OC90: variants seen among roughly 807,000 people sequenced by gnomAD.
OC90 encodes otoconin-90.
OC90 carries 46 observed loss-of-function variants against 47.3 expected under a neutral mutation model. The observed-to-expected ratio is 0.97, with a 90% CI of 0.77 to 1.24. OC90 has a LOEUF of 1.24. OC90 is among the 50% of genes most tolerant of loss of function. The pLI is 0.00. For synonymous variants in OC90, 271 were observed against 219.5 expected (o/e 1.23, Z -2.07); for missense variants, 688 against 583.9 (o/e 1.18, Z -1.84).
rs756827690 is a variant in OC90 at position 132,033,167 on chromosome 8, G to GA, written c.734-4dup. ...TGTTGCAACTATCTCTGCAGATCCT[G>GA]AAAATGAAAAACTTCATGATTCGGA... is the stretch of plus-strand genomic sequence containing the variant. On this transcript the variant is annotated splice_polypyrimidine_tract_variant and splice_region_variant and intron_variant, in intron 10 of 13. Transcript: ENST00000254627. The GA allele has an allele frequency of 6.2e-7, 1 of 1,602,856 alleles. No homozygotes were observed. The highest frequency in any genetic ancestry group is 2.2e-5 in the East Asian group (1 of 44,700).
At chr8:132,031,712 G>A (rs191671176) in intron 12 of OC90, among the ~76,000 whole-genome samples, 169 bp downstream of exon 12, 104 of 152,284 alleles carry the variant, frequency 6.8e-4, no homozygotes, top group African/African-American at 2.5e-3. Flanking sequence ...CTGCTCACCA[G>A]GAAAGTGGGC....
intron 2 of OC90, among the ~76,000 whole-genome samples, chr8:132,047,043 C>T (rs913214878): frequency 4.6e-5 from 7 of 152,164 alleles, no homozygotes; most frequent in African/African-American, 1.7e-4. Context: ...GCCACAGATA[C>T]CAGCAGGAAA....
chr8:132,031,410 C>T (rs1392429736), intron 12 of OC90, among the ~76,000 whole-genome samples: 1 of 152,122 alleles, frequency 6.6e-6, no homozygotes, highest in African/African-American at 2.4e-5. Context: ...ATGGAAATTA[C>T]AGTTATATTT....
At position 132,024,330 on chromosome 8, in the gene OC90, A is replaced by G; in HGVS notation, c.*151T>C. The G allele has an allele frequency of 1.6e-6, 1 of 614,630 alleles. No homozygotes were observed. Among genetic ancestry groups the G allele is most frequent in the Non-Finnish European group, 2.8e-6 (1 of 363,560 alleles). The allele number at this position is 614,630 out of a possible 1,614,324, so 38.1% of individuals were successfully genotyped here. A position where few individuals can be genotyped will look rare whatever the true frequency, so the allele number is the denominator to read the frequency against. On this transcript the variant is annotated 3_prime_UTR_variant, in exon 14 of 14. Transcript: ENST00000254627. ...GTGAGGTGACCACAGCTGATGAGGCATGGGCAGGGCTCACGGCCTCTGTTC... is the reference window on the plus strand; with the variant it reads ...GTGAGGTGACCACAGCTGATGAGGCGTGGGCAGGGCTCACGGCCTCTGTTC...
At chr8:132,052,104 A>G (rs1407604352) in intron 2 of OC90, among the ~76,000 whole-genome samples, 1 of 152,116 alleles carries the variant, frequency 6.6e-6, no homozygotes, top group African/African-American at 2.4e-5. Flanking sequence ...CTGACCACGC[A>G]TTTCTCAGGT....
chr8:132,028,524 AG>A (rs1822796849), intron 13 of OC90, among the ~76,000 whole-genome samples: 1 of 91,356 alleles, frequency 1.1e-5, no homozygotes, highest in Admixed American at 1.5e-4. Context: ...AAAGAAAGAA[AG>A]AAAAGAAAGA....
chr8:132,029,703 A>G (rs1057468598), intron 12 of OC90, among the ~76,000 whole-genome samples: 5 of 152,188 alleles, frequency 3.3e-5, no homozygotes, highest in Non-Finnish European at 5.9e-5. Flanking sequence ...TGCATCTAGA[A>G]AAGTGTCCAG....
chr8:132,043,190 A>T (rs916243139), intron 4 of OC90, among the ~76,000 whole-genome samples: 2 of 152,258 alleles, frequency 1.3e-5, no homozygotes, highest in Admixed American at 6.5e-5. Flanking sequence ...AGCATCCTTT[A>T]GGTGTCAGAA....
chr8:132,057,878 G>A (rs1408666857), intron 1 of OC90, among the ~76,000 whole-genome samples: 2 of 152,332 alleles, frequency 1.3e-5, no homozygotes, highest in South Asian at 4.1e-4. Context: ...GGTGGCCCTT[G>A]CCCAGAAGGG....
chr8:132,029,548 T>C (rs1453449089), intron 12 of OC90, among the ~76,000 whole-genome samples: 1 of 152,214 alleles, frequency 6.6e-6, no homozygotes, highest in Non-Finnish European at 1.5e-5. Context: ...TTTAAATTTA[T>C]GCAAAGGTAC....
chr8:132,029,206 C>T, intron 12 of OC90, 27 bp from the exon 13 acceptor site: 3 of 1,563,684 alleles, frequency 1.9e-6, no homozygotes, highest in Non-Finnish European at 2.6e-6. Flanking sequence ...CCCTTTACTT[C>T]TCAGAGCTCC....
chr8:132,035,535 G>A (rs568012055), intron 9 of OC90, among the ~76,000 whole-genome samples: 1 of 152,158 alleles, frequency 6.6e-6, no homozygotes, highest in East Asian at 1.9e-4. Context: ...ACGAAAAAAT[G>A]TTAGAGATGG....
At chr8:132,057,207 A>T (rs1161885167) in intron 1 of OC90, among the ~76,000 whole-genome samples, 1 of 152,232 alleles carries the variant, frequency 6.6e-6, no homozygotes, top group Non-Finnish European at 1.5e-5. Flanking sequence ...AGCTGCTACA[A>T]TGAAGGCCTT....
At chr8:132,024,866 C>G in intron 13 of OC90, 90 bp from the exon 14 acceptor site, 1 of 1,120,396 alleles carries the variant, frequency 8.9e-7, no homozygotes, top group East Asian at 2.5e-5. Flanking sequence ...CAGCCCTTCT[C>G]CTTCCTCCCC....
chr8:132,044,347 G>A (rs1350157877), intron 4 of OC90, 86 bp downstream of exon 4: 5 of 774,310 alleles, frequency 6.5e-6, no homozygotes, highest in Non-Finnish European at 1.1e-5. Flanking sequence ...TCCGAGGGTT[G>A]AGACCAAGGC....
In OC90 at chr8:132,038,817, C is replaced by T. The variant is rs1823007855; in HGVS notation, c.601G>A (p.Glu201Lys). Residue 201 changes from glutamate to lysine, a missense_variant, in exon 8 of 14, where the codon GAA becomes AAA. Glu to Lys is a moderately conservative substitution (Grantham distance 56). Coordinates refer to ENST00000254627, the MANE Select transcript of OC90 (RefSeq NM_001080399.3). ...CTGGGCAGAAGTGTTGTCAAGTCTTCCTTGATGGTTGTCTCTGAAAAGAAA... is the reference window on the plus strand; with the variant it reads ...CTGGGCAGAAGTGTTGTCAAGTCTTTCTTGATGGTTGTCTCTGAAAAGAAA... ...LAQTPETTIKEDLTTLLPRVV... is the reference protein window; with the variant it reads ...LAQTPETTIKKDLTTLLPRVV... The T allele has an allele frequency of 6.2e-7, 1 of 1,613,838 alleles. No individual in the cohort carries two copies. The highest frequency in any genetic ancestry group is 8.5e-7 in the Non-Finnish European group (1 of 1,179,830).
intron 5 of OC90, 54 bp from the exon 6 acceptor site, chr8:132,041,210 G>A (rs1768010497): frequency 9.3e-7 from 1 of 1,079,874 alleles, no homozygotes; most frequent in South Asian, 1.3e-5. Flanking sequence ...AGTGAGGGAG[G>A]GCAGGCAGCT....
At position 132,024,280 on chromosome 8, in the gene OC90, G is replaced by A. The variant is rs1471207946; in HGVS notation, c.*201C>T. 4 of 499,450 alleles carry A rather than the reference G, an allele frequency of 8.0e-6. No homozygotes were observed. Among genetic ancestry groups the A allele is most frequent in the African/African-American group, 5.7e-5 (3 of 52,872 alleles). 30.9% of individuals were successfully genotyped at this position (499,450 alleles called of 1,614,324 possible). On this transcript the variant is annotated 3_prime_UTR_variant, in exon 14 of 14. Transcript: ENST00000254627. ...AAGGAGCATGGAGGTACCATGGTGT[G>A]CCTTCTCCAAGTGTACATTGGCTTG...
chr8:132,049,742 G>A (rs879695028), intron 2 of OC90: 1 of 490,190 alleles, frequency 2.0e-6, no homozygotes, highest in Non-Finnish European at 4.2e-6. Flanking sequence ...CCATTCCCAA[G>A]TTATTGGTTT....
Sources: allele counts gnomAD v4.1 joint callset (sites outside exome capture counted in the v4.1 genomes callset), GRCh38; gene constraint gnomAD v4.1.1; transcripts MANE v1.5; gene names NCBI Gene and HGNC (gene_info 2026-07-23, HGNC 2026-07-21).